MCPH1: variants seen among roughly 807,000 people sequenced by gnomAD.
MCPH1 encodes the protein microcephalin 1, also known as microcephalin.
A neutral mutation model predicts 84.5 loss-of-function variants in MCPH1; 104 were observed. The observed-to-expected ratio is 1.23, with a 90% CI of 1.05 to 1.45. The LOEUF (loss-of-function observed/expected upper bound fraction) is 1.45, where lower values mean the gene tolerates loss of function less well. Among genes scored for constraint, MCPH1 ranks in the 40% most tolerant of loss-of-function variants. The pLI, the probability that MCPH1 is intolerant of heterozygous loss-of-function variation, is 0.00. For synonymous variants in MCPH1, 514 were observed against 366.8 expected, an observed-to-expected ratio of 1.40 and a Z score of -4.58; for missense variants, 1,498 against 1,005.7, an observed-to-expected ratio of 1.49 and a Z score of -6.62.
At position 6,418,322 on chromosome 8, in the gene MCPH1, T is replaced by C. The variant is rs866683480; in HGVS notation, c.233+3439T>C. On this transcript the variant is annotated intron_variant, in intron 3 of 13. Transcript: ENST00000344683. ...GTGATGCCCAGATTCTTTTGCTTCC[T>C]TTTAAAATTTGCCTGTTCTTTCTTT... Among the ~76,000 whole-genome samples the C allele has an allele frequency of 3.2e-4, 48 of 152,272 alleles. 1 individual carries two copies. The highest frequency in any genetic ancestry group is 9.9e-4 in the African/African-American group (41 of 41,558).
At chr8:6,456,809 C>T (rs1805727821) in intron 9 of MCPH1, among the ~76,000 whole-genome samples, 2 of 152,126 alleles carry the variant, frequency 1.3e-5, no homozygotes, top group African/African-American at 2.4e-5. Flanking sequence ...AGTGGTATTG[C>T]CTCCCTGTGC....
At chr8:6,406,747 G>A in intron 1 of MCPH1, 58 bp downstream of exon 1, 1 of 1,592,048 alleles carries the variant, frequency 6.3e-7, no homozygotes, top group Non-Finnish European at 8.6e-7. Context: ...GGCACCCCTC[G>A]TCGCGGGCGC....
chr8:6,498,286 T>G (rs1811512061), intron 11 of MCPH1, among the ~76,000 whole-genome samples: 1 of 152,212 alleles, frequency 6.6e-6, no homozygotes, highest in Non-Finnish European at 1.5e-5. Flanking sequence ...TTACCTGTGC[T>G]CTTTCAAAGT....
intron 12 of MCPH1, among the ~76,000 whole-genome samples, chr8:6,552,889 G>T (rs1452237205): frequency 6.6e-6 from 1 of 151,762 alleles, no homozygotes; most frequent in African/African-American, 2.4e-5. Context: ...GATTCCAACT[G>T]TATGACATTC....
chr8:6,620,863 A>C (rs1035428889), intron 12 of MCPH1: 3 of 159,786 alleles, frequency 1.9e-5, no homozygotes, highest in African/African-American at 7.2e-5. Flanking sequence ...TCATTGAAAC[A>C]ATCTCGAGAC....
Position 6,588,273 on chromosome 8 carries a change from G to A in MCPH1, c.2215-33181G>A, listed in dbSNP as rs532911117. Among the ~76,000 whole-genome samples, 5 of 152,234 alleles carry A rather than the reference G, an allele frequency of 3.3e-5. No homozygotes were observed. The East Asian group carries it at 9.7e-4, about 29-fold the overall frequency. On this transcript the variant is annotated intron_variant, in intron 12 of 13. Transcript: ENST00000344683. ...GCATTCTTTTTCCAGAGCCAGGCCA[G>A]CCCAGCAGTGATCCCTTGATAAAGC...
chr8:6,527,464 T>C lies in MCPH1; in HGVS notation c.2214+27535T>C. ...ACCCTTACACTAGACATGAAGAAAC[T>C]CACCATTCTGATAATTCATCATTTG... On this transcript the variant is annotated intron_variant, in intron 12 of 13. Transcript: ENST00000344683. The C allele has an allele frequency of 2.0e-6, 3 of 1,487,934 alleles. No individual in the cohort carries two copies. The East Asian group carries it at 7.0e-5, about 35-fold the overall frequency. 92.2% of individuals were successfully genotyped at this position (1,487,934 alleles called of 1,614,324 possible).
At chr8:6,463,849 A>C (rs1364125085) in intron 9 of MCPH1, among the ~76,000 whole-genome samples, 1 of 152,238 alleles carries the variant, frequency 6.6e-6, no homozygotes, top group Admixed American at 6.5e-5. Context: ...TACAGTTTGC[A>C]GTAATGCCAG....
Position 6,444,625 on chromosome 8 carries a change from C to G in MCPH1, c.903C>G (p.Asn301Lys). ...GTAATCTTTCAAAGGAAGAAATAAA[C>G]TTGCAAAGAAATATTGCAGGTAAAG... Reference protein sequence around the residue: ...FLSNLSKEEINLQRNIAGKVV... With the variant: ...FLSNLSKEEIKLQRNIAGKVV... Residue 301 changes from asparagine (N) to lysine (K), a missense_variant, in exon 8 of 14, where the codon AAC becomes AAG. Physicochemically the swap from Asn to Lys is moderately conservative, Grantham distance 94. Transcript: ENST00000344683. 6.2e-7 allele frequency: 1 copy of G among 1,614,164 alleles called. No individual in the cohort carries two copies.
At chr8:6,470,011 G>T (rs1425434358) in intron 9 of MCPH1, among the ~76,000 whole-genome samples, 1 of 152,114 alleles carries the variant, frequency 6.6e-6, no homozygotes, top group South Asian at 2.1e-4. Flanking sequence ...TGCTTTTCCT[G>T]TTAAGGAAAA....
At chr8:6,531,116 G>A (rs1167788722) in intron 12 of MCPH1, among the ~76,000 whole-genome samples, 1 of 152,000 alleles carries the variant, frequency 6.6e-6, no homozygotes, top group East Asian at 1.9e-4. Context: ...TCACGACCAC[G>A]GCCTTGAGCT....
At chr8:6,586,499 C>T (rs117495906) in intron 12 of MCPH1, among the ~76,000 whole-genome samples, 3,715 of 152,304 alleles carry the variant, frequency 0.024, 63 homozygotes, top group Middle Eastern at 0.044. Context: ...CCATGCAGTG[C>T]GTGTCTTTAT....
chr8:6,629,073 T>G (rs1271478688), intron 13 of MCPH1, among the ~76,000 whole-genome samples: 3 of 152,224 alleles, frequency 2.0e-5, no homozygotes, highest in Non-Finnish European at 4.4e-5. Context: ...CCTTAGAACA[T>G]GATTGTATCT....
chr8:6,584,615 C>G (rs1029063403), intron 12 of MCPH1, among the ~76,000 whole-genome samples: 1 of 152,122 alleles, frequency 6.6e-6, no homozygotes, highest in African/African-American at 2.4e-5. Context: ...AAAGGCTTAT[C>G]TATCTTAAGA....
chr8:6,444,614 G>A lies in MCPH1; in HGVS notation c.892G>A (p.Glu298Lys). The part of the protein sequence containing the change: ...PQKFLSNLSK[E>K]EINLQRNIAG... ...GAAATTTCTGAGTAATCTTTCAAAG[G>A]AAGAAATAAACTTGCAAAGAAATAT... The change falls in exon 8 of 14, where the codon GAA becomes AAA. Residue 298 changes from glutamate to lysine, a missense_variant. Glu to Lys is a moderately conservative substitution (Grantham distance 56, BLOSUM62 1). Coordinates refer to ENST00000344683, the MANE Select transcript of MCPH1 (RefSeq NM_024596.5). 1.2e-6 allele frequency: 2 copies of A among 1,614,114 alleles called. No individual in the cohort carries two copies. Among genetic ancestry groups the A allele is most frequent in the Non-Finnish European group, 1.7e-6 (2 of 1,180,036 alleles).
intron 13 of MCPH1, chr8:6,626,987 A>AC: frequency 3.1e-5 from 30 of 958,702 alleles, no homozygotes; most frequent in Non-Finnish European, 3.7e-5. Context: ...GCATTGCCAA[A>AC]AAAAAAAAAA....
rs1435616053 is a variant in MCPH1 at position 6,445,411 on chromosome 8, C to G, written c.1689C>G (p.Asn563Lys). 1.2e-6 allele frequency: 2 copies of G among 1,614,080 alleles called. No homozygotes were observed. Among genetic ancestry groups the G allele is most frequent in the Non-Finnish European group, 1.7e-6 (2 of 1,180,042 alleles). ...CGGTTGGTCTGAAAAGCACACAGAA[C>G]AAAGGTACCACTTCCAAAATATCAA... ...KEAVGLKSTQ[N>K]KGTTSKISNS... Residue 563 changes from asparagine to lysine, a missense_variant, in exon 8 of 14, where the codon AAC becomes AAG. By Grantham distance (94) the Asn-to-Lys change is moderately conservative. Coordinates refer to ENST00000344683, the MANE Select transcript of MCPH1 (RefSeq NM_024596.5).
At chr8:6,513,862 A>T (rs776449505) in intron 12 of MCPH1, 1 of 1,589,204 alleles carries the variant, frequency 6.3e-7, no homozygotes, top group South Asian at 1.2e-5. Flanking sequence ...GCAAGTTGTT[A>T]AATTCAATTA....
intron 9 of MCPH1, 179 bp from the exon 10 acceptor site, chr8:6,477,415 T>G: frequency 3.3e-6 from 2 of 597,834 alleles, no homozygotes; most frequent in Non-Finnish European, 5.8e-6. Context: ...GTATCTGAGT[T>G]TCTATCTCTT....
Sources: allele counts gnomAD v4.1 joint callset (sites outside exome capture counted in the v4.1 genomes callset), GRCh38; gene constraint gnomAD v4.1.1; transcripts MANE v1.5; gene names NCBI Gene and HGNC (gene_info 2026-07-23, HGNC 2026-07-21).